ATG10: variants seen among roughly 807,000 people sequenced by gnomAD.
The protein encoded by ATG10 is autophagy related 10, also known as ubiquitin-like-conjugating enzyme ATG10.
A neutral mutation model predicts 32.1 loss-of-function variants in ATG10; 30 were observed. The ratio of observed to expected loss-of-function variants is 0.94; its 90% CI spans 0.70 to 1.27. The LOEUF is 1.27. Among genes scored for constraint, ATG10 ranks in the 50% most tolerant of loss-of-function variants. ATG10 has a pLI of 0.00. For missense variants in ATG10, 233 were observed against 262.3 expected (o/e 0.89, Z 0.77); for synonymous variants, 87 against 91.5 (o/e 0.95, Z 0.28).
At chr5:82,151,282 C>T (rs1247912033) in intron 3 of ATG10, among the ~76,000 whole-genome samples, 1 of 152,152 alleles carries the variant, frequency 6.6e-6, no homozygotes, top group Non-Finnish European at 1.5e-5. Flanking sequence ...GAACTCCTGG[C>T]TTTAAGCAAT....
intron 5 of ATG10, among the ~76,000 whole-genome samples, chr5:82,194,380 T>A (rs1250500433): frequency 1.3e-5 from 2 of 152,198 alleles, no homozygotes; most frequent in Non-Finnish European, 2.9e-5. Context: ...ATCGCCTAGA[T>A]GTTATTTGAA....
intron 5 of ATG10, among the ~76,000 whole-genome samples, chr5:82,180,688 AAT>A (rs916263144): frequency 7.2e-5 from 11 of 152,094 alleles, no homozygotes; most frequent in African/African-American, 2.7e-4. Flanking sequence ...ATAGAGGAAA[AAT>A]ATATTCAAAA....
At chr5:82,110,416 C>A (rs1260411579) in intron 3 of ATG10, among the ~76,000 whole-genome samples, 6 of 152,206 alleles carry the variant, frequency 3.9e-5, no homozygotes, top group East Asian at 1.9e-4. Context: ...AGTCCCACCA[C>A]CAGTGTAAAA....
At chr5:82,133,651 T>C (rs980358768) in intron 3 of ATG10, among the ~76,000 whole-genome samples, 1 of 152,100 alleles carries the variant, frequency 6.6e-6, no homozygotes, top group African/African-American at 2.4e-5. Context: ...TGAAGTCAGG[T>C]AGTGTGATGC....
At chr5:82,237,537 C>T (rs367737145) in intron 5 of ATG10, among the ~76,000 whole-genome samples, 35 of 151,626 alleles carry the variant, frequency 2.3e-4, no homozygotes, top group East Asian at 3.9e-4. Flanking sequence ...CCAACTACTC[C>T]GGAGGCTGAG....
At chr5:82,193,098 G>T (rs1476212283) in intron 5 of ATG10, among the ~76,000 whole-genome samples, 1 of 152,184 alleles carries the variant, frequency 6.6e-6, no homozygotes, top group Non-Finnish European at 1.5e-5. Flanking sequence ...CTGGGCCTCA[G>T]TGAGAATCTG....
At position 81,972,180 on chromosome 5, in the gene ATG10, G is replaced by T. The variant is rs1760740497; in HGVS notation, c.-139G>T. ...CCCCGCAGTCCCATCATTCAGTTCCGTAGGGTCACCGGCGCGGCAGTGGCC... is the reference window on the plus strand; with the variant it reads ...CCCCGCAGTCCCATCATTCAGTTCCTTAGGGTCACCGGCGCGGCAGTGGCC... On this transcript the variant is annotated 5_prime_UTR_variant, in exon 1 of 8. Transcript: ENST00000282185. 1 of 152,314 alleles carries T rather than the reference G, an allele frequency of 6.6e-6. No homozygotes were observed. Among genetic ancestry groups the T allele is most frequent in the South Asian group, 2.1e-4 (1 of 4,836 alleles). 9.4% of individuals were successfully genotyped at this position (152,314 alleles called of 1,614,324 possible). A position where few individuals can be genotyped will look rare whatever the true frequency, so the allele number is the denominator to read the frequency against.
At chr5:82,117,456 A>T (rs1765852052) in intron 3 of ATG10, among the ~76,000 whole-genome samples, 1 of 152,094 alleles carries the variant, frequency 6.6e-6, no homozygotes, top group Non-Finnish European at 1.5e-5. Context: ...TGTCTGCTTC[A>T]GATATTTTTT....
intron 3 of ATG10, among the ~76,000 whole-genome samples, chr5:82,137,406 T>G (rs774819725): frequency 1.5e-4 from 23 of 152,342 alleles, no homozygotes; most frequent in Middle Eastern, 3.4e-3. Context: ...TGCATGGTCA[T>G]CCTTTTTGTT....
intron 3 of ATG10, among the ~76,000 whole-genome samples, chr5:82,153,711 T>C (rs752668331): frequency 2.6e-5 from 4 of 152,120 alleles, no homozygotes; most frequent in Admixed American, 6.5e-5. Context: ...GATTTGGAGG[T>C]AAAATTTTAT....
intron 2 of ATG10, among the ~76,000 whole-genome samples, chr5:81,995,050 T>C (rs1164189245): frequency 1.3e-5 from 2 of 152,214 alleles, no homozygotes; most frequent in Non-Finnish European, 2.9e-5. Context: ...CTGAAAAACA[T>C]TGTATAATCT....
intron 3 of ATG10, among the ~76,000 whole-genome samples, chr5:82,154,157 C>T (rs1767721663): frequency 6.6e-6 from 1 of 152,122 alleles, no homozygotes; most frequent in African/African-American, 2.4e-5. Flanking sequence ...TATTCTATGA[C>T]ATTAAAATAA....
At chr5:82,054,696 T>C (rs1397513234) in intron 2 of ATG10, among the ~76,000 whole-genome samples, 2 of 152,168 alleles carry the variant, frequency 1.3e-5, no homozygotes, top group Admixed American at 1.3e-4. Context: ...AAGGTTCCCT[T>C]TGTTTTTAAA....
chr5:82,057,451 C>T (rs1295129642), intron 2 of ATG10, among the ~76,000 whole-genome samples: 2 of 152,140 alleles, frequency 1.3e-5, no homozygotes, highest in Non-Finnish European at 2.9e-5. Context: ...TGATGGCAAT[C>T]TTTAGCTCCT....
At position 82,118,400 on chromosome 5, in the gene ATG10, A is replaced by ATATATATATATATATATAT. The variant is rs371581160; in HGVS notation, c.217-45994_217-45993insATATATATATATATTATAT. Among the ~76,000 whole-genome samples the ATATATATATATATATATAT allele has an allele frequency of 4.4e-4, 51 of 115,824 alleles. 1 individual carries two copies. In the East Asian group the frequency reaches 6.7e-3, roughly 15 times the overall value. 76.0% of individuals were successfully genotyped at this position (115,824 alleles called of 152,430 possible). A position where few individuals can be genotyped will look rare whatever the true frequency, so the allele number is the denominator to read the frequency against. Reference sequence around the variant, plus strand: ...ATAATATATGTACATATATATATATATATATGTATGTATATATTCCCTAGC... The same window carrying ATATATATATATATATATAT: ...ATAATATATGTACATATATATATATATATATATATATATATATATTATATGTATGTATATATTCCCTAGC... On this transcript the variant is annotated intron_variant, in intron 3 of 7. Coordinates refer to ENST00000282185, the MANE Select transcript of ATG10 (RefSeq NM_031482.5).
At chr5:82,106,208 G>T (rs749727223) in intron 3 of ATG10, among the ~76,000 whole-genome samples, 6 of 152,014 alleles carry the variant, frequency 3.9e-5, no homozygotes, top group Non-Finnish European at 7.4e-5. Context: ...GTAAGAAAAA[G>T]AGCTATTTTT....
At chr5:81,972,898 A>G (rs1760765984) in intron 1 of ATG10, among the ~76,000 whole-genome samples, 1 of 152,218 alleles carries the variant, frequency 6.6e-6, no homozygotes, top group Non-Finnish European at 1.5e-5. Flanking sequence ...ATAAGGCAAA[A>G]GGACAGCATG....
intron 3 of ATG10, among the ~76,000 whole-genome samples, chr5:82,101,802 A>G (rs769541834): frequency 6.6e-6 from 1 of 152,184 alleles, no homozygotes; most frequent in Non-Finnish European, 1.5e-5. Context: ...TGCCAAGACT[A>G]TTTCAATATA....
chr5:82,122,668 G>A lies in ATG10; in HGVS notation c.217-41731G>A, dbSNP rs562643537. Among the ~76,000 whole-genome samples, 19 of 152,138 alleles carry A rather than the reference G, an allele frequency of 1.2e-4. No individual in the cohort carries two copies. The East Asian group carries it at 3.7e-3, about 29-fold the overall frequency. On this transcript the variant is annotated intron_variant, in intron 3 of 7. Coordinates refer to ENST00000282185, the MANE Select transcript of ATG10 (RefSeq NM_031482.5). ...AAGGACCTTAAACAAATTTACAATA[G>A]AAAAACAATCCCGTTAAAAAGTGGG...
Sources: gnomAD v4.1 joint callset for allele counts (sites outside exome capture counted in the v4.1 genomes callset) on GRCh38, gnomAD v4.1.1 for gene constraint, MANE v1.5 for transcripts, NCBI Gene and HGNC (gene_info 2026-07-23, HGNC 2026-07-21) for gene names.